Variants in AGBL4 observed in about 807,000 individuals in gnomAD.
AGBL4 encodes the protein cytosolic carboxypeptidase 6.
AGBL4 carries 58 observed loss-of-function variants against 66.4 expected under a neutral mutation model. The ratio of observed to expected loss-of-function variants is 0.87; its 90% confidence interval spans 0.71 to 1.09. The LOEUF (loss-of-function observed/expected upper bound fraction) is 1.09, where lower values mean the gene tolerates loss of function less well. Ranked by LOEUF, AGBL4 falls within the 50% of genes least tolerant of loss-of-function variation. The pLI, the probability that AGBL4 is intolerant of heterozygous loss-of-function variation, is 0.00. For missense variants in AGBL4, 579 were observed against 631.0 expected, an observed-to-expected ratio of 0.92 and a Z score of 0.88; for synonymous variants, 234 against 222.9, an observed-to-expected ratio of 1.05 and a Z score of -0.44.
At chr1:49,256,923 A>C (rs1438055951) in intron 3 of AGBL4, among the ~76,000 whole-genome samples, 1 of 152,202 alleles carries the variant, frequency 6.6e-6, no homozygotes, top group Non-Finnish European at 1.5e-5. Context: ...ATATGGAACA[A>C]ACCAAGCTGG....
intron 4 of AGBL4, among the ~76,000 whole-genome samples, chr1:49,207,566 C>G (rs1265218314): frequency 8.9e-6 from 1 of 112,830 alleles, no homozygotes; most frequent in Non-Finnish European, 1.9e-5. Context: ...TTCTTTCTTT[C>G]TTTCTTTCTT....
chr1:49,862,029 T>A (rs1452197173), intron 1 of AGBL4, among the ~76,000 whole-genome samples: 1 of 151,924 alleles, frequency 6.6e-6, no homozygotes, highest in Non-Finnish European at 1.5e-5. Flanking sequence ...AAACATGGTC[T>A]CACCAAACAA....
At chr1:49,475,143 T>C (rs1327551991) in intron 3 of AGBL4, among the ~76,000 whole-genome samples, 1 of 152,060 alleles carries the variant, frequency 6.6e-6, no homozygotes, top group Non-Finnish European at 1.5e-5. Flanking sequence ...GTATTTAACA[T>C]GCAAGCATGT....
intron 3 of AGBL4, among the ~76,000 whole-genome samples, chr1:49,671,195 C>A (rs1194909595): frequency 6.6e-6 from 1 of 152,082 alleles, no homozygotes; most frequent in African/African-American, 2.4e-5. Context: ...ACATGACCAT[C>A]TGATGTTTGA....
At chr1:49,459,889 T>A (rs1646473779) in intron 3 of AGBL4, among the ~76,000 whole-genome samples, 1 of 151,736 alleles carries the variant, frequency 6.6e-6, no homozygotes, top group African/African-American at 2.4e-5. Flanking sequence ...AATAATTTTT[T>A]AAATTTCCAT....
At chr1:48,888,049 G>A (rs1558068314) in intron 5 of AGBL4, among the ~76,000 whole-genome samples, 1 of 152,128 alleles carries the variant, frequency 6.6e-6, no homozygotes. Context: ...GAGGCATGCT[G>A]AGGCTGAGGG....
chr1:49,331,250 G>A (rs899980933), intron 3 of AGBL4, among the ~76,000 whole-genome samples: 1 of 152,082 alleles, frequency 6.6e-6, no homozygotes, highest in Non-Finnish European at 1.5e-5. Context: ...ATACCCTCTA[G>A]GAAGGGAGCT....
At chr1:48,689,518 T>C (rs908379149) in intron 6 of AGBL4, among the ~76,000 whole-genome samples, 4 of 151,614 alleles carry the variant, frequency 2.6e-5, no homozygotes, top group Admixed American at 6.6e-5. Flanking sequence ...CTCCTTTGTT[T>C]CCTTCCTTTC....
At chr1:49,202,529 A>G (rs868135016) in intron 4 of AGBL4, among the ~76,000 whole-genome samples, 7 of 152,136 alleles carry the variant, frequency 4.6e-5, no homozygotes, top group African/African-American at 7.2e-5. Context: ...TGGGGAAAGA[A>G]TAGCTTCTTC....
chr1:49,936,283 G>C (rs1654002562), intron 1 of AGBL4, among the ~76,000 whole-genome samples: 1 of 152,070 alleles, frequency 6.6e-6, no homozygotes, highest in South Asian at 2.1e-4. Context: ...GGGAAGTTTA[G>C]AGAAAAAAGA....
At chr1:48,593,231 A>G (rs1644943975) in intron 9 of AGBL4, among the ~76,000 whole-genome samples, 1 of 152,234 alleles carries the variant, frequency 6.6e-6, no homozygotes, top group Non-Finnish European at 1.5e-5. Context: ...CACAAGTGGT[A>G]GCACCATAAA....
At chr1:49,056,728 A>G (rs754365390) in intron 4 of AGBL4, among the ~76,000 whole-genome samples, 3 of 152,170 alleles carry the variant, frequency 2.0e-5, no homozygotes, top group Non-Finnish European at 4.4e-5. Flanking sequence ...TGGCTGTCCA[A>G]GCAATGTATA....
chr1:50,000,681 T>C (rs1167861809), intron 1 of AGBL4, among the ~76,000 whole-genome samples: 4 of 152,166 alleles, frequency 2.6e-5, no homozygotes, highest in Non-Finnish European at 5.9e-5. Context: ...CAAATGTCCA[T>C]CACTCAAGTA....
At chr1:49,245,675 AT>A (rs957774768) in intron 4 of AGBL4, 94 bp downstream of exon 4, 286 of 818,478 alleles carry the variant, frequency 3.5e-4, no homozygotes, top group South Asian at 9.8e-4. Flanking sequence ...TTTATTTTTA[AT>A]TTTTTTTGGG....
chr1:49,864,118 G>T (rs913286862), intron 1 of AGBL4, among the ~76,000 whole-genome samples: 1 of 152,076 alleles, frequency 6.6e-6, no homozygotes, highest in African/African-American at 2.4e-5. Flanking sequence ...CAAAAACATA[G>T]ATAGAACTGG....
chr1:49,740,660 C>A (rs1650367922), intron 2 of AGBL4, among the ~76,000 whole-genome samples: 1 of 152,156 alleles, frequency 6.6e-6, no homozygotes, highest in Non-Finnish European at 1.5e-5. Flanking sequence ...ATAAAGCACT[C>A]CTCAGCAAAT....
intron 9 of AGBL4, among the ~76,000 whole-genome samples, chr1:48,602,408 C>G (rs319977): frequency 0.089 from 13,575 of 152,154 alleles, 1,348 homozygotes; most frequent in African/African-American, 0.25. Context: ...TTGCAGTATT[C>G]CTGTTGTTGT....
chr1:49,940,895 A>C (rs1654690928), intron 1 of AGBL4, among the ~76,000 whole-genome samples: 1 of 152,140 alleles, frequency 6.6e-6, no homozygotes, highest in Non-Finnish European at 1.5e-5. Flanking sequence ...TAAGTGTTGA[A>C]TTTTTGAGAA....
chr1:48,837,703 C>CTATATATAT (rs1382300748), intron 6 of AGBL4, among the ~76,000 whole-genome samples: 19 of 97,958 alleles, frequency 1.9e-4, no homozygotes, highest in Non-Finnish European at 2.5e-4. Flanking sequence ...CACACGCACA[C>CTATATATAT]ACACACACTA....
Sources: gnomAD v4.1 joint callset for allele counts (sites outside exome capture counted in the v4.1 genomes callset) on GRCh38, gnomAD v4.1.1 for gene constraint, MANE v1.5 for transcripts, NCBI Gene and HGNC (gene_info 2026-07-23, HGNC 2026-07-21) for gene names.